The following SEMA5A variants were observed in gnomAD, a reference collection of about 807,000 sequenced individuals.
SEMA5A encodes semaphorin-5A.
A neutral mutation model predicts 135.5 loss-of-function variants in SEMA5A; 55 were observed. That is an observed-to-expected ratio of 0.41 (90% CI 0.33 to 0.51). SEMA5A has a LOEUF of 0.51. Among genes scored for constraint, SEMA5A ranks in the 20% least tolerant of loss-of-function variants. The pLI is 0.37. For synonymous variants in SEMA5A, 580 were observed against 546.5 expected (o/e 1.06, Z -0.85); for missense variants, 1,290 against 1,419.9 (o/e 0.91, Z 1.47).
chr5:9,125,260 G>A (rs1006451143), intron 13 of SEMA5A, among the ~76,000 whole-genome samples: 1 of 152,110 alleles, frequency 6.6e-6, no homozygotes, highest in African/African-American at 2.4e-5. Context: ...TCCATACCTG[G>A]CTATCTATGT....
At chr5:9,357,926 T>C (rs2126351340) in intron 3 of SEMA5A, among the ~76,000 whole-genome samples, 1 of 152,316 alleles carries the variant, frequency 6.6e-6, no homozygotes, top group South Asian at 2.1e-4. Flanking sequence ...CAAACATTAT[T>C]TGGACAGGAA....
intron 16 of SEMA5A, among the ~76,000 whole-genome samples, chr5:9,083,091 G>A (rs561170561): frequency 1.0e-3 from 154 of 152,260 alleles, no homozygotes; most frequent in African/African-American, 3.6e-3. Flanking sequence ...TTAATCTAAA[G>A]TTCTCACATC....
At chr5:9,053,150 C>A (rs566631938) in intron 19 of SEMA5A, among the ~76,000 whole-genome samples, 6 of 152,284 alleles carry the variant, frequency 3.9e-5, no homozygotes, top group African/African-American at 1.4e-4. Context: ...CATTTTCATT[C>A]CAGGTCATTC....
chr5:9,318,211 T>A (rs780748712), intron 5 of SEMA5A, among the ~76,000 whole-genome samples, 161 bp downstream of exon 5: 1 of 152,136 alleles, frequency 6.6e-6, no homozygotes. Context: ...TAATGACTCG[T>A]AACAAGTAGG....
At chr5:9,218,940 G>T (rs1412025317) in intron 8 of SEMA5A, among the ~76,000 whole-genome samples, 1 of 152,216 alleles carries the variant, frequency 6.6e-6, no homozygotes, top group African/African-American at 2.4e-5. Context: ...GGAGTTCACA[G>T]TAGCTCCCCT....
chr5:9,469,210 T>C (rs553373089), intron 1 of SEMA5A, among the ~76,000 whole-genome samples: 1 of 152,292 alleles, frequency 6.6e-6, no homozygotes, highest in Non-Finnish European at 1.5e-5. Flanking sequence ...GGTTTCACCG[T>C]ATTGTTCAGG....
intron 4 of SEMA5A, among the ~76,000 whole-genome samples, chr5:9,328,280 C>T (rs1752966319): frequency 6.6e-6 from 1 of 152,226 alleles, no homozygotes; most frequent in African/African-American, 2.4e-5. Flanking sequence ...CTCACCTGAT[C>T]CACAACCCGC....
chr5:9,045,867 G>A (rs1054772212), intron 21 of SEMA5A: 1 of 152,144 alleles, frequency 6.6e-6, no homozygotes, highest in Non-Finnish European at 1.5e-5. Context: ...AATAGGATTG[G>A]CTCAAGTGAT....
chr5:9,370,168 A>G (rs540981992), intron 3 of SEMA5A, among the ~76,000 whole-genome samples: 1 of 152,350 alleles, frequency 6.6e-6, no homozygotes, highest in East Asian at 1.9e-4. Context: ...CAGAGAATTG[A>G]GTGGCACAAA....
intron 1 of SEMA5A, among the ~76,000 whole-genome samples, chr5:9,439,714 A>G (rs951416948): frequency 6.6e-6 from 1 of 152,206 alleles, no homozygotes; most frequent in Non-Finnish European, 1.5e-5. Flanking sequence ...TACTGCAGGA[A>G]GAAGACATCC....
At chr5:9,330,660 GACA>G (rs1387166557) in intron 4 of SEMA5A, among the ~76,000 whole-genome samples, 1 of 152,102 alleles carries the variant, frequency 6.6e-6, no homozygotes, top group Non-Finnish European at 1.5e-5. Context: ...AAAGCCAGCA[GACA>G]ACAAGGAGAC....
chr5:9,380,085 C>T (rs1755531763), intron 2 of SEMA5A, 62 bp from the exon 3 acceptor site: 1 of 1,094,484 alleles, frequency 9.1e-7, no homozygotes, highest in Non-Finnish European at 1.3e-6. Flanking sequence ...GGGTGGTCTT[C>T]TGGTAAAACT....
chr5:9,496,549 T>C (rs937981274), intron 1 of SEMA5A, among the ~76,000 whole-genome samples: 5 of 152,248 alleles, frequency 3.3e-5, no homozygotes, highest in African/African-American at 1.2e-4. Context: ...AACATTAGAA[T>C]TACAGTGAAT....
chr5:9,308,188 G>T (rs1184380302), intron 5 of SEMA5A, among the ~76,000 whole-genome samples: 2 of 152,154 alleles, frequency 1.3e-5, no homozygotes, highest in African/African-American at 4.8e-5. Context: ...ACCCCATCCA[G>T]CTCTTATGAA....
intron 5 of SEMA5A, among the ~76,000 whole-genome samples, chr5:9,246,047 C>A (rs1748465958): frequency 6.6e-6 from 1 of 152,068 alleles, no homozygotes; most frequent in South Asian, 2.1e-4. Context: ...AAATTTAAAA[C>A]CATGATTGTC....
At chr5:9,363,697 A>G (rs1754797139) in intron 3 of SEMA5A, among the ~76,000 whole-genome samples, 1 of 152,214 alleles carries the variant, frequency 6.6e-6, no homozygotes, top group Non-Finnish European at 1.5e-5. Context: ...AGGAAACTGG[A>G]GGCTTTGAGA....
At chr5:9,453,390 G>A (rs371057975) in intron 1 of SEMA5A, among the ~76,000 whole-genome samples, 3 of 152,026 alleles carry the variant, frequency 2.0e-5, no homozygotes, top group South Asian at 2.1e-4. Flanking sequence ...CCTCTATTTC[G>A]TGCCACATTT....
chr5:9,486,482 T>C (rs1467678707), intron 1 of SEMA5A, among the ~76,000 whole-genome samples: 1 of 152,162 alleles, frequency 6.6e-6, no homozygotes, highest in Non-Finnish European at 1.5e-5. Flanking sequence ...TACAACTCCC[T>C]GGGTTAAATT....
intron 2 of SEMA5A, among the ~76,000 whole-genome samples, chr5:9,418,649 C>T (rs190083045): frequency 6.6e-5 from 10 of 152,234 alleles, no homozygotes; most frequent in Admixed American, 1.3e-4. Flanking sequence ...CAAATACTGA[C>T]GGCGCACTAA....
Sources: allele counts gnomAD v4.1 joint callset (sites outside exome capture counted in the v4.1 genomes callset), GRCh38; gene constraint gnomAD v4.1.1; transcripts MANE v1.5; gene names NCBI Gene and HGNC (gene_info 2026-07-23, HGNC 2026-07-21).